Variants in EXOC2 observed in about 807,000 individuals in gnomAD.
The protein encoded by EXOC2 is SEC5-like 1.
Under a neutral mutation model 131.8 loss-of-function variants are expected in EXOC2, and 70 were observed. The ratio of observed to expected loss-of-function variants is 0.53; its 90% CI spans 0.44 to 0.65. The LOEUF is 0.65. Ranked by LOEUF, EXOC2 falls within the 30% of genes least tolerant of loss-of-function variation. The pLI is 0.00. For synonymous variants in EXOC2, 411 were observed against 398.4 expected (o/e 1.03, Z -0.38); for missense variants, 923 against 1,108.6 (o/e 0.83, Z 2.38).
chr6:584,089 T>C (rs1200627447), intron 11 of EXOC2, among the ~76,000 whole-genome samples: 1 of 152,230 alleles, frequency 6.6e-6, no homozygotes, highest in African/African-American at 2.4e-5. Context: ...ATTAAAATGA[T>C]AATTTTATTA....
chr6:587,967 G>A (rs1178664805), intron 11 of EXOC2, among the ~76,000 whole-genome samples: 1 of 152,240 alleles, frequency 6.6e-6, no homozygotes, highest in Non-Finnish European at 1.5e-5. Flanking sequence ...TCCAGGGTGA[G>A]GGAGGGGAGA....
chr6:670,694 C>G (rs1182053207), intron 1 of EXOC2, among the ~76,000 whole-genome samples: 1 of 152,116 alleles, frequency 6.6e-6, no homozygotes, highest in African/African-American at 2.4e-5. Context: ...TCTCTTTAAT[C>G]TCTGAATGAT....
intron 7 of EXOC2, among the ~76,000 whole-genome samples, chr6:600,868 G>C (rs1452133672): frequency 6.6e-6 from 1 of 152,048 alleles, no homozygotes; most frequent in African/African-American, 2.4e-5. Flanking sequence ...TAAGTTATGA[G>C]ATTATAATTT....
intron 1 of EXOC2, among the ~76,000 whole-genome samples, chr6:663,670 G>C (rs903098232): frequency 6.6e-6 from 1 of 152,038 alleles, no homozygotes; most frequent in African/African-American, 2.4e-5. Context: ...CACATAAACA[G>C]AATTAAAAAC....
intron 23 of EXOC2, among the ~76,000 whole-genome samples, chr6:509,296 C>T (rs1187647580): frequency 6.6e-6 from 1 of 152,164 alleles, no homozygotes; most frequent in Non-Finnish European, 1.5e-5. Context: ...GATTCTAATA[C>T]AACAGTTTAT....
At chr6:554,762 T>C (rs1757331887) in intron 20 of EXOC2, among the ~76,000 whole-genome samples, 1 of 152,098 alleles carries the variant, frequency 6.6e-6, no homozygotes, top group Non-Finnish European at 1.5e-5. Flanking sequence ...TGCTGTCCTA[T>C]ACAACAGCAT....
At chr6:488,050 GAAGA>G (rs370922650) in intron 27 of EXOC2, among the ~76,000 whole-genome samples, 5 of 152,242 alleles carry the variant, frequency 3.3e-5, no homozygotes, top group African/African-American at 9.6e-5. Flanking sequence ...CAAGAAAAAG[GAAGA>G]AAGGGCTGAT....
chr6:593,674 G>A (rs2127630782), intron 10 of EXOC2, among the ~76,000 whole-genome samples: 1 of 152,274 alleles, frequency 6.6e-6, no homozygotes, highest in African/African-American at 2.4e-5. Flanking sequence ...TGAATTTATT[G>A]TCTTAAAACT....
At chr6:547,007 T>G (rs1455736154) in intron 22 of EXOC2, among the ~76,000 whole-genome samples, 4 of 152,198 alleles carry the variant, frequency 2.6e-5, no homozygotes, top group Non-Finnish European at 5.9e-5. Flanking sequence ...AATGAGAAAA[T>G]GTAATTTTGA....
chr6:621,961 C>CTCTATA (rs1761314879), intron 4 of EXOC2, among the ~76,000 whole-genome samples: 1 of 152,178 alleles, frequency 6.6e-6, no homozygotes, highest in African/African-American at 2.4e-5. Context: ...TGAGTGGAGG[C>CTCTATA]TTAGGCTAAG....
chr6:592,828 C>A (rs1371148772), intron 10 of EXOC2, among the ~76,000 whole-genome samples: 3 of 151,992 alleles, frequency 2.0e-5, no homozygotes, highest in African/African-American at 7.3e-5. Flanking sequence ...CAGTTCAAGA[C>A]CAGCCTGGCC....
chr6:504,327 G>A (rs373975087), intron 23 of EXOC2, among the ~76,000 whole-genome samples: 4 of 152,238 alleles, frequency 2.6e-5, no homozygotes, highest in African/African-American at 4.8e-5. Context: ...GTGTGCATCC[G>A]TTATGGAAGC....
In EXOC2 at chr6:506,294, G is replaced by C. The variant is rs996888012; in HGVS notation, c.2381-6594C>G. Among the ~76,000 whole-genome samples, 3 of 152,214 alleles carry C rather than the reference G, an allele frequency of 2.0e-5. No homozygotes were observed. The highest frequency in any genetic ancestry group is 4.4e-5 in the Non-Finnish European group (3 of 68,040). The stretch of plus-strand genomic sequence containing the variant: ...AGATGTCCAGGTATATCAGGATGGA[G>C]TGAACACGTAAGTGTGCAGGGAAAC... On this transcript the variant is annotated intron_variant, in intron 23 of 27. Transcript: ENST00000230449. The surrounding 1 kb of genome is among the most constrained non-coding windows in gnomAD (Gnocchi z 4.4).
intron 1 of EXOC2, among the ~76,000 whole-genome samples, chr6:649,305 T>C (rs751505820): frequency 3.5e-4 from 53 of 152,222 alleles, no homozygotes; most frequent in Non-Finnish European, 1.0e-4. Context: ...GGTCAGATTC[T>C]GGTACAAGAA....
intron 1 of EXOC2, among the ~76,000 whole-genome samples, chr6:658,152 C>CTG (rs1227834530): frequency 2.1e-4 from 32 of 152,104 alleles, no homozygotes; most frequent in African/African-American, 7.2e-4. Flanking sequence ...CTAAACAATC[C>CTG]ACTTCTCCAC....
At chr6:492,796 G>A (rs1399594786) in intron 25 of EXOC2, among the ~76,000 whole-genome samples, 1 of 152,136 alleles carries the variant, frequency 6.6e-6, no homozygotes, top group Non-Finnish European at 1.5e-5. Flanking sequence ...GTTTCTTTTG[G>A]GATGAAATGT....
At chr6:518,567 AC>A (rs1427076332) in intron 23 of EXOC2, among the ~76,000 whole-genome samples, 1 of 152,242 alleles carries the variant, frequency 6.6e-6, no homozygotes, top group Non-Finnish European at 1.5e-5. Flanking sequence ...AATAAATTTC[AC>A]ATTTAAGACC....
chr6:608,661 A>T (rs1326791981), intron 7 of EXOC2, among the ~76,000 whole-genome samples: 3 of 152,284 alleles, frequency 2.0e-5, no homozygotes, highest in African/African-American at 7.2e-5. Context: ...AAATAAAAAA[A>T]ATCACATTAC....
At chr6:590,542 G>A (rs59611908) in intron 11 of EXOC2, among the ~76,000 whole-genome samples, 2 of 152,180 alleles carry the variant, frequency 1.3e-5, no homozygotes, top group Non-Finnish European at 2.9e-5. Context: ...GACCTGATGA[G>A]GGCCATTACT....
Sources: allele counts gnomAD v4.1 joint callset (sites outside exome capture counted in the v4.1 genomes callset), GRCh38; gene constraint gnomAD v4.1.1; non-coding constraint Gnocchi (gnomAD v3.1); transcripts MANE v1.5; gene names NCBI Gene and HGNC (gene_info 2026-07-23, HGNC 2026-07-21).